STXBP5L: variants seen among roughly 807,000 people sequenced by gnomAD.
The protein encoded by STXBP5L is syntaxin-binding protein 5-like.
In STXBP5L, 65 loss-of-function variants were observed where a neutral mutation model predicts 144.5. That is an observed-to-expected ratio of 0.45 (90% confidence interval 0.37 to 0.55). The LOEUF (loss-of-function observed/expected upper bound fraction) is 0.55, where lower values mean the gene tolerates loss of function less well. Ranked by LOEUF, STXBP5L falls within the 20% of genes least tolerant of loss-of-function variation. The pLI is 0.00. For missense variants in STXBP5L, 1,298 were observed against 1,405.5 expected, an observed-to-expected ratio of 0.92 and a Z score of 1.22; for synonymous variants, 505 against 469.6, an observed-to-expected ratio of 1.08 and a Z score of -0.97.
At chr3:121,300,520 T>C (rs1468006660) in intron 19 of STXBP5L, among the ~76,000 whole-genome samples, 3 of 152,122 alleles carry the variant, frequency 2.0e-5, no homozygotes, top group African/African-American at 4.8e-5. Context: ...AATTATACTG[T>C]TGTTTTTTTC....
chr3:121,273,852 A>G (rs919154110), intron 18 of STXBP5L, among the ~76,000 whole-genome samples: 3 of 151,620 alleles, frequency 2.0e-5, no homozygotes, highest in Admixed American at 6.6e-5. Context: ...TCTTTCATTC[A>G]TTATTCTTTT....
At chr3:121,010,773 A>C (rs1048583173) in intron 3 of STXBP5L, among the ~76,000 whole-genome samples, 1 of 151,942 alleles carries the variant, frequency 6.6e-6, no homozygotes, top group African/African-American at 2.4e-5. Context: ...TAAGAAAATC[A>C]TAAGAAAGAG....
At position 121,381,469 on chromosome 3, in the gene STXBP5L, T is replaced by C. The variant is rs992415008; in HGVS notation, c.2524T>C (p.Ser842Pro). The part of the protein sequence containing the change: ...GTSLGMVLII[S>P]LNLPLADEQR... ...CAGTCTGGGAATGGTGTTAATCATC[T>C]CCTTAAACCTACCATTAGCAGATGA... Residue 842 changes from serine (S) to proline (P), a missense_variant, in exon 22 of 27, where the codon TCC becomes CCC. Coordinates refer to ENST00000471454, the MANE Select transcript of STXBP5L (RefSeq NM_001308330.2). 6.3e-7 allele frequency: 1 copy of C among 1,594,678 alleles called. No homozygotes were observed.
intron 20 of STXBP5L, among the ~76,000 whole-genome samples, chr3:121,351,272 C>T (rs568686606): frequency 8.3e-4 from 127 of 152,186 alleles, no homozygotes; most frequent in Non-Finnish European, 1.0e-4. Context: ...TGCAGAACAG[C>T]GGATATTGGT....
At chr3:120,956,509 C>T (rs1229298100) in intron 3 of STXBP5L, among the ~76,000 whole-genome samples, 3 of 151,902 alleles carry the variant, frequency 2.0e-5, no homozygotes, top group African/African-American at 7.2e-5. Context: ...GTGAGAACTT[C>T]CTTCCTTTTT....
At chr3:120,977,501 T>C (rs150036272) in intron 3 of STXBP5L, among the ~76,000 whole-genome samples, 3,794 of 152,316 alleles carry the variant, frequency 0.025, 60 homozygotes, top group Middle Eastern at 0.048. Flanking sequence ...TTTATCCAAT[T>C]TGGCAGTCTG....
rs769451002 is a variant in STXBP5L, at chr3:121,407,526, G to A, written c.2871G>A (p.Leu957=). Residue 957 remains leucine (L), a synonymous_variant, in exon 23 of 27, where the codon CTG becomes CTA. Transcript: ENST00000471454. ...ACATCACGGAGACATCTTTTATACT[G>A]CAAGCAAATGTGGTGGTCATGTGTA... is the stretch of plus-strand genomic sequence containing the variant. ...VHNITETSFI[L]QANVVVMCSS... 5.0e-6 allele frequency: 8 copies of A among 1,613,310 alleles called. No individual in the cohort carries two copies. Among genetic ancestry groups the A allele is most frequent in the African/African-American group, 1.3e-5 (1 of 74,982 alleles).
At chr3:121,387,789 C>T (rs1224112838) in intron 22 of STXBP5L, among the ~76,000 whole-genome samples, 2 of 152,202 alleles carry the variant, frequency 1.3e-5, no homozygotes, top group African/African-American at 4.8e-5. Flanking sequence ...CAGTACCATG[C>T]TGTTTTCGTT....
chr3:121,106,754 T>C (rs1368767033), intron 5 of STXBP5L, among the ~76,000 whole-genome samples: 4 of 152,248 alleles, frequency 2.6e-5, no homozygotes, highest in Non-Finnish European at 4.4e-5. Context: ...TCTGGGTATA[T>C]ACCCAGTAAT....
At chr3:120,980,350 T>G (rs1229298222) in intron 3 of STXBP5L, among the ~76,000 whole-genome samples, 2 of 152,188 alleles carry the variant, frequency 1.3e-5, no homozygotes, top group Non-Finnish European at 2.9e-5. Flanking sequence ...GTTTTGCTAT[T>G]TATCTCTTAG....
intron 8 of STXBP5L, among the ~76,000 whole-genome samples, chr3:121,157,114 G>A (rs776816840): frequency 3.3e-5 from 5 of 152,012 alleles, no homozygotes; most frequent in African/African-American, 9.7e-5. Context: ...AACGTTTTTC[G>A]TAGTTAGACC....
intron 5 of STXBP5L, among the ~76,000 whole-genome samples, chr3:121,057,366 A>T (rs78708341): frequency 0.12 from 18,206 of 151,994 alleles, 1,145 homozygotes; most frequent in Non-Finnish European, 0.14. Flanking sequence ...AATTTTACTG[A>T]ATCATCAGGA....
intron 24 of STXBP5L, among the ~76,000 whole-genome samples, chr3:121,414,333 T>C (rs1425362673): frequency 1.3e-5 from 2 of 152,016 alleles, no homozygotes. Context: ...GACACCTGGG[T>C]TGATGGAGCA....
chr3:121,052,581 TG>T (rs776732492), intron 5 of STXBP5L, among the ~76,000 whole-genome samples: 2 of 152,336 alleles, frequency 1.3e-5, no homozygotes, highest in Admixed American at 1.3e-4. Flanking sequence ...AATTAGGTAT[TG>T]ATGGGACATA....
intron 5 of STXBP5L, among the ~76,000 whole-genome samples, chr3:121,100,343 C>T (rs1263604282): frequency 6.6e-6 from 1 of 152,140 alleles, no homozygotes; most frequent in East Asian, 1.9e-4. Context: ...TGACCACATC[C>T]TGGTCCATAA....
At chr3:121,194,594 G>A (rs991413197) in intron 9 of STXBP5L, among the ~76,000 whole-genome samples, 2 of 152,130 alleles carry the variant, frequency 1.3e-5, no homozygotes, top group Middle Eastern at 3.4e-3. Context: ...AATGAGTTGG[G>A]AAGTGTTTCC....
At chr3:121,313,343 G>A (rs1163797545) in intron 19 of STXBP5L, among the ~76,000 whole-genome samples, 1 of 138,180 alleles carries the variant, frequency 7.2e-6, no homozygotes, top group Admixed American at 6.9e-5. Flanking sequence ...CGGGCGGGGG[G>A]CTGACCCCCC....
intron 19 of STXBP5L, among the ~76,000 whole-genome samples, chr3:121,291,523 A>T (rs960742511): frequency 9.9e-5 from 15 of 152,150 alleles, no homozygotes; most frequent in African/African-American, 3.6e-4. Context: ...TCAAAATACC[A>T]TCATTATTCT....
intron 9 of STXBP5L, among the ~76,000 whole-genome samples, chr3:121,183,744 C>T (rs2047257663): frequency 6.6e-6 from 1 of 151,922 alleles, no homozygotes; most frequent in East Asian, 1.9e-4. Flanking sequence ...CAAGTAGGTC[C>T]CTGACCCCTG....
Sources: gnomAD v4.1 joint callset for allele counts (sites outside exome capture counted in the v4.1 genomes callset) on GRCh38, gnomAD v4.1.1 for gene constraint, MANE v1.5 for transcripts, NCBI Gene and HGNC (gene_info 2026-07-23, HGNC 2026-07-21) for gene names.